Variants in ESYT3 observed in about 807,000 individuals in gnomAD.
The protein encoded by ESYT3 is extended synaptotagmin-3.
ESYT3 carries 101 observed loss-of-function variants against 111.5 expected under a neutral mutation model. The ratio of observed to expected loss-of-function variants is 0.91; its 90% confidence interval spans 0.77 to 1.07. The LOEUF is 1.07. ESYT3 is among the 50% of genes least tolerant of loss of function. ESYT3 has a pLI of 0.00. For synonymous variants in ESYT3, 416 were observed against 446.8 expected, an observed-to-expected ratio of 0.93 and a Z score of 0.87; for missense variants, 1,097 against 1,109.4, an observed-to-expected ratio of 0.99 and a Z score of 0.16.
At chr3:138,458,723 C>T (rs811792) in intron 4 of ESYT3, among the ~76,000 whole-genome samples, 115,906 of 152,174 alleles carry the variant, frequency 0.76, 44,353 homozygotes, top group East Asian at 0.95. Context: ...TTGCCCACCT[C>T]CACCAGCCCC....
intron 5 of ESYT3, 109 bp downstream of exon 5, chr3:138,459,362 A>G: frequency 1.2e-6 from 1 of 815,742 alleles, no homozygotes; most frequent in Admixed American, 2.7e-5. Context: ...TGGCAACACT[A>G]AACACAGAGG....
At chr3:138,455,562 T>G (rs1048691409) in intron 3 of ESYT3, among the ~76,000 whole-genome samples, 1 of 152,134 alleles carries the variant, frequency 6.6e-6, no homozygotes, top group African/African-American at 2.4e-5. Context: ...GAAGCCTGGC[T>G]CAGAGGGAAC....
At chr3:138,476,184 T>A in intron 20 of ESYT3, 39 bp from the exon 21 acceptor site, 3 of 1,312,076 alleles carry the variant, frequency 2.3e-6, no homozygotes, top group African/African-American at 2.9e-5. Flanking sequence ...GAAAACTGAA[T>A]GAAATGCATA....
At chr3:138,441,741 C>G (rs1249344804) in intron 1 of ESYT3, among the ~76,000 whole-genome samples, 1 of 151,768 alleles carries the variant, frequency 6.6e-6, no homozygotes, top group Admixed American at 6.6e-5. Flanking sequence ...TTTCCTTTTC[C>G]TCCTCTTCTT....
downstream of ESYT3, chr3:138,481,089 G>T (rs1000408312): frequency 4.6e-5 from 7 of 152,120 alleles, no homozygotes; most frequent in Admixed American, 1.3e-4. Flanking sequence ...ATCAACTCCA[G>T]GTATATTAGA....
chr3:138,462,956 C>G (rs1434563203), intron 8 of ESYT3, among the ~76,000 whole-genome samples: 4 of 152,204 alleles, frequency 2.6e-5, no homozygotes, highest in African/African-American at 9.7e-5. Flanking sequence ...AGCCACCACA[C>G]CTGTCCTTTG....
Position 138,464,411 on chromosome 3 carries a change from C to G in ESYT3, c.982C>G (p.Arg328Gly). Reference protein sequence around the residue: ...LAQKDNFLGLRGKSDPYAKVS... With the variant: ...LAQKDNFLGLGGKSDPYAKVS... ...CCAGAAGGACAACTTTCTGGGGCTC[C>G]GAGGCAAGTCAGATCCCTACGCCAA... Residue 328 changes from arginine (R) to glycine (G), a missense_variant, in exon 9 of 23, where the codon CGA becomes GGA. Coordinates refer to ENST00000389567, the MANE Select transcript of ESYT3 (RefSeq NM_031913.5). 6.2e-7 allele frequency: 1 copy of G among 1,614,074 alleles called. No homozygotes were observed. Among genetic ancestry groups the G allele is most frequent in the Non-Finnish European group, 8.5e-7 (1 of 1,179,992 alleles).
intron 17 of ESYT3, 60 bp from the exon 18 acceptor site, chr3:138,472,301 CAA>C (rs1654581082): frequency 2.3e-5 from 36 of 1,562,058 alleles, no homozygotes; most frequent in Non-Finnish European, 3.1e-5. Context: ...GAACGGGAAA[CAA>C]TGGCTGAGGT....
Position 138,477,407 on chromosome 3 carries a change from T to C in ESYT3, c.*553T>C, listed in dbSNP as rs2033536774. On this transcript the variant is annotated 3_prime_UTR_variant, in exon 23 of 23. Coordinates refer to ENST00000389567, the MANE Select transcript of ESYT3 (RefSeq NM_031913.5). ...CTGGCTGCCACCTGTGGTACTTGTA[T>C]GCCTGGATATTTGTTCTTTTATTTG... 6.6e-6 allele frequency: 1 copy of C among 152,506 alleles called. No homozygotes were observed. The highest frequency in any genetic ancestry group is 1.5e-5 in the Non-Finnish European group (1 of 68,270). The allele number at this position is 152,506 out of a possible 1,614,324, so 9.4% of individuals were successfully genotyped here. A position where few individuals can be genotyped will look rare whatever the true frequency, so the allele number is the denominator to read the frequency against.
intron 2 of ESYT3, among the ~76,000 whole-genome samples, chr3:138,453,298 CTG>C (rs1303937391): frequency 6.6e-6 from 1 of 152,162 alleles, no homozygotes; most frequent in Admixed American, 6.5e-5. Context: ...AGATATAAGA[CTG>C]TTGGGATATG....
chr3:138,442,857 G>T (rs1413005540), intron 1 of ESYT3, among the ~76,000 whole-genome samples: 1 of 152,154 alleles, frequency 6.6e-6, no homozygotes, highest in African/African-American at 2.4e-5. Flanking sequence ...AGTTTATGAA[G>T]ATTTTTAAAG....
chr3:138,435,815 C>T lies in ESYT3; in HGVS notation c.327+690C>T, dbSNP rs1270966314. ...TGGCTTACCTAACAAAACCCAAGTTCTGGGCCCCATTGCATAACTCCCAGG... is the reference window on the plus strand; with the variant it reads ...TGGCTTACCTAACAAAACCCAAGTTTTGGGCCCCATTGCATAACTCCCAGG... On this transcript the variant is annotated intron_variant, in intron 1 of 22. Coordinates refer to ENST00000389567, the MANE Select transcript of ESYT3 (RefSeq NM_031913.5). The surrounding 1 kb of genome is among the most constrained non-coding windows in gnomAD (Gnocchi z 4.8). Among the ~76,000 whole-genome samples, 1 of 152,220 alleles carries T rather than the reference C, an allele frequency of 6.6e-6. No homozygotes were observed. The highest frequency in any genetic ancestry group is 2.4e-5 in the African/African-American group (1 of 41,470).
intron 2 of ESYT3, among the ~76,000 whole-genome samples, chr3:138,454,808 AT>A (rs2032171020): frequency 6.6e-6 from 1 of 152,166 alleles, no homozygotes; most frequent in Admixed American, 6.5e-5. Flanking sequence ...CTCTTCTGTA[AT>A]TTTTTTCTTA....
chr3:138,459,273 G>T lies in ESYT3; in HGVS notation c.648+20G>T. ...ATCCAGGTGGGTGGAGCCCGGTGGG[G>T]CTGCCTCTGTTCCAGCCCCCAGGGT... On this transcript the variant is annotated intron_variant, in intron 5 of 22. Coordinates refer to ENST00000389567, the MANE Select transcript of ESYT3 (RefSeq NM_031913.5). 1 of 1,535,762 alleles carries T rather than the reference G, an allele frequency of 6.5e-7. No individual in the cohort carries two copies. The highest frequency in any genetic ancestry group is 8.8e-7 in the Non-Finnish European group (1 of 1,133,040).
chr3:138,455,385 C>T, intron 3 of ESYT3, 57 bp downstream of exon 3: 2 of 1,593,072 alleles, frequency 1.3e-6, no homozygotes, highest in Non-Finnish European at 8.6e-7. Context: ...CTCTCTGTTC[C>T]CTCTCCTCCC....
rs142717327 is a variant in ESYT3 at position 138,444,908 on chromosome 3, C to T, written c.328-7140C>T. 1.5e-3 allele frequency among the ~76,000 whole-genome samples: 225 copies of T among 152,288 alleles called. 2 individuals are homozygous for T. Among genetic ancestry groups the T allele is most frequent in the African/African-American group, 5.2e-3 (216 of 41,558 alleles). ...ACTTTCAAACTTAGTCAGGAACCCC[C>T]GGAGGCAGAGGAGCCACCTTCTTCC... On this transcript the variant is annotated intron_variant, in intron 1 of 22. Transcript: ENST00000389567.
At chr3:138,468,975 T>C in intron 14 of ESYT3, 94 bp downstream of exon 14, 9 of 1,291,220 alleles carry the variant, frequency 7.0e-6, no homozygotes, top group Non-Finnish European at 1.0e-5. Flanking sequence ...GGCCACAGTC[T>C]GTGCACACAC....
At chr3:138,448,744 A>G (rs1385199786) in intron 1 of ESYT3, among the ~76,000 whole-genome samples, 1 of 152,230 alleles carries the variant, frequency 6.6e-6, no homozygotes. Context: ...ATTGCTCCCT[A>G]AGAATCAGTC....
rs1353650913 is a variant in ESYT3, at chr3:138,462,070, C to A, written c.795-16C>A. The A allele has an allele frequency of 6.2e-7, 1 of 1,613,892 alleles. No individual in the cohort carries two copies. Among genetic ancestry groups the A allele is most frequent in the South Asian group, 1.1e-5 (1 of 91,068 alleles). On this transcript the variant is annotated splice_polypyrimidine_tract_variant and intron_variant, in intron 7 of 22. Transcript: ENST00000389567. ...GCAGTGCCACCCCTCCACAGCTGGT[C>A]CTGCCTTGTGTCCAGTGATGTGTCA...
Sources: allele counts gnomAD v4.1 joint callset (sites outside exome capture counted in the v4.1 genomes callset), GRCh38; gene constraint gnomAD v4.1.1; non-coding constraint Gnocchi (gnomAD v3.1); transcripts MANE v1.5; gene names NCBI Gene and HGNC (gene_info 2026-07-23, HGNC 2026-07-21).